EYS: variants seen among roughly 807,000 people sequenced by gnomAD.
The protein encoded by EYS is EGF-like photoreceptor maintenance factor.
A neutral mutation model predicts 282.1 loss-of-function variants in EYS; 250 were observed. The observed-to-expected ratio is 0.89, with a 90% CI of 0.80 to 0.98. EYS has a LOEUF of 0.98. Ranked by LOEUF, EYS falls within the 50% of genes least tolerant of loss-of-function variation. The pLI, the probability that EYS is intolerant of heterozygous loss-of-function variation, is 0.00. For missense variants in EYS, 4,016 were observed against 3,709.0 expected (o/e 1.08, Z -2.15); for synonymous variants, 1,355 against 1,282.9 (o/e 1.06, Z -1.20).
chr6:64,701,684 G>A (rs1770796296), intron 22 of EYS, among the ~76,000 whole-genome samples: 1 of 151,992 alleles, frequency 6.6e-6, no homozygotes, highest in South Asian at 2.1e-4. Context: ...ATAGACACTG[G>A]AGTCTCAGAA....
At chr6:63,852,667 G>A (rs1772289589) in intron 36 of EYS, among the ~76,000 whole-genome samples, 1 of 152,118 alleles carries the variant, frequency 6.6e-6, no homozygotes, top group South Asian at 2.1e-4. Context: ...AAACCTGGCA[G>A]AGACACAACA....
intron 14 of EYS, among the ~76,000 whole-genome samples, chr6:64,956,809 C>A (rs1299744893): frequency 1.3e-5 from 2 of 152,088 alleles, no homozygotes; most frequent in Non-Finnish European, 2.9e-5. Flanking sequence ...AGAAGACACA[C>A]AAATGGCAAA....
chr6:65,609,603 C>T (rs967890361), intron 2 of EYS, among the ~76,000 whole-genome samples: 1 of 151,970 alleles, frequency 6.6e-6, no homozygotes, highest in African/African-American at 2.4e-5. Flanking sequence ...GTTTGAATTG[C>T]CACCTGGCAG....
intron 26 of EYS, among the ~76,000 whole-genome samples, chr6:64,493,698 T>G (rs978498441): frequency 1.3e-5 from 2 of 151,566 alleles, no homozygotes; most frequent in Admixed American, 1.3e-4. Context: ...GTGCACAACG[T>G]GCAGGTTTGT....
intron 12 of EYS, among the ~76,000 whole-genome samples, chr6:65,290,238 AC>A (rs529609969): frequency 9.0e-4 from 136 of 151,144 alleles, no homozygotes; most frequent in African/African-American, 3.2e-3. Context: ...TGGAGAAAGG[AC>A]TCTGTCATTA....
chr6:65,093,158 G>A (rs1203738327), intron 12 of EYS, among the ~76,000 whole-genome samples: 3 of 152,006 alleles, frequency 2.0e-5, no homozygotes, highest in Non-Finnish European at 4.4e-5. Context: ...AGTGCTGAAA[G>A]CAAATAAAAC....
chr6:64,845,988 C>T (rs967081619), intron 19 of EYS, among the ~76,000 whole-genome samples: 1 of 151,984 alleles, frequency 6.6e-6, no homozygotes. Context: ...ATCTAAGAAA[C>T]TCTTCTTTTG....
At chr6:65,008,464 A>G (rs1216361129) in intron 13 of EYS, among the ~76,000 whole-genome samples, 4 of 85,012 alleles carry the variant, frequency 4.7e-5, no homozygotes, top group Non-Finnish European at 9.4e-5. Context: ...CAAATGGGAT[A>G]AAAAAAAAGG....
At chr6:64,794,174 T>A (rs1052291714) in intron 22 of EYS, among the ~76,000 whole-genome samples, 2 of 152,172 alleles carry the variant, frequency 1.3e-5, no homozygotes, top group Non-Finnish European at 2.9e-5. Context: ...ATGGCAGCTA[T>A]CCCACTTCAG....
chr6:63,773,144 CAAAT>C (rs2088335273), intron 40 of EYS, among the ~76,000 whole-genome samples: 2 of 152,132 alleles, frequency 1.3e-5, no homozygotes, highest in Non-Finnish European at 2.9e-5. Flanking sequence ...TTTGTTTTAA[CAAAT>C]AGAGAAATTA....
intron 29 of EYS, among the ~76,000 whole-genome samples, chr6:64,386,619 T>C (rs867008928): frequency 1.4e-4 from 22 of 152,190 alleles, no homozygotes; most frequent in Non-Finnish European, 3.1e-4. Context: ...AATGCAATGA[T>C]AAACCTGCCG....
intron 26 of EYS, among the ~76,000 whole-genome samples, chr6:64,481,281 T>C (rs1562018468): frequency 4.1e-5 from 3 of 72,690 alleles, no homozygotes; most frequent in African/African-American, 1.3e-4. Context: ...TGTGTATATA[T>C]ATATATATAT....
intron 15 of EYS, among the ~76,000 whole-genome samples, chr6:64,932,402 T>C (rs1306247405): frequency 6.6e-6 from 1 of 152,078 alleles, no homozygotes; most frequent in Admixed American, 6.6e-5. Flanking sequence ...ATCTAGGGAA[T>C]TTGTTAAAAA....
At chr6:65,236,486 T>C (rs956331848) in intron 12 of EYS, among the ~76,000 whole-genome samples, 1 of 151,920 alleles carries the variant, frequency 6.6e-6, no homozygotes, top group Non-Finnish European at 1.5e-5. Flanking sequence ...TGGTGCACGC[T>C]TGTTTTCCTA....
intron 33 of EYS, among the ~76,000 whole-genome samples, chr6:64,038,959 C>T (rs1390236753): frequency 7.9e-5 from 12 of 152,080 alleles, no homozygotes; most frequent in Admixed American, 7.9e-4. Context: ...TCCCTACAAC[C>T]GTGTATGGCT....
chr6:65,549,534 C>T (rs1395403006), intron 2 of EYS, among the ~76,000 whole-genome samples: 1 of 152,084 alleles, frequency 6.6e-6, no homozygotes, highest in African/African-American at 2.4e-5. Flanking sequence ...CTATGAAGAC[C>T]TTATCTGTTG....
chr6:65,177,937 C>A (rs1215597136), intron 12 of EYS, among the ~76,000 whole-genome samples: 1 of 151,866 alleles, frequency 6.6e-6, no homozygotes, highest in East Asian at 2.0e-4. Flanking sequence ...CTCCACAGAT[C>A]ATTCCCAGAA....
chr6:65,152,757 T>C (rs1209867131), intron 12 of EYS, among the ~76,000 whole-genome samples: 1 of 151,678 alleles, frequency 6.6e-6, no homozygotes, highest in African/African-American at 2.4e-5. Flanking sequence ...AGCCATGAAA[T>C]AAAATATATA....
At chr6:65,677,105 G>GAAAAAAAAAAAAA in intron 1 of EYS, among the ~76,000 whole-genome samples, 1 of 107,666 alleles carries the variant, frequency 9.3e-6, no homozygotes, top group Non-Finnish European at 1.9e-5. Context: ...AGTCATTGGT[G>GAAAAAAAAAAAAA]AAAAAAAAAA....
Sources: allele counts gnomAD v4.1 joint callset (sites outside exome capture counted in the v4.1 genomes callset), GRCh38; gene constraint gnomAD v4.1.1; transcripts MANE v1.5; gene names NCBI Gene and HGNC (gene_info 2026-07-23, HGNC 2026-07-21).